The following JAZF1 variants were observed in gnomAD, a reference collection of about 807,000 sequenced individuals.
JAZF1 encodes the protein juxtaposed with another zinc finger protein 1.
Under a neutral mutation model 26.4 loss-of-function variants are expected in JAZF1, and 8 were observed. The observed-to-expected ratio is 0.30, with a 90% CI of 0.18 to 0.55. The LOEUF (loss-of-function observed/expected upper bound fraction) is 0.55, where lower values mean the gene tolerates loss of function less well. JAZF1 is among the 20% of genes least tolerant of loss of function. JAZF1 has a pLI of 0.94. For synonymous variants in JAZF1, 126 were observed against 122.3 expected (o/e 1.03, Z -0.20); for missense variants, 199 against 322.0 (o/e 0.62, Z 2.92).
intron 1 of JAZF1, among the ~76,000 whole-genome samples, chr7:28,096,965 A>G (rs1017715771): frequency 1.3e-5 from 2 of 152,254 alleles, no homozygotes; most frequent in African/African-American, 4.8e-5. Context: ...CTTAAATGCC[A>G]TCTGCACCAC....
chr7:27,851,845 G>A (rs780954756), intron 3 of JAZF1, among the ~76,000 whole-genome samples: 1 of 152,070 alleles, frequency 6.6e-6, no homozygotes, highest in Non-Finnish European at 1.5e-5. Flanking sequence ...CAAGAATCTG[G>A]TGAGACCTAA....
intron 1 of JAZF1, among the ~76,000 whole-genome samples, chr7:28,132,620 G>T (rs1223748548): frequency 4.6e-5 from 7 of 152,116 alleles, no homozygotes; most frequent in Non-Finnish European, 4.4e-5. Context: ...GATCTTCTGT[G>T]TAATGATGAC....
At chr7:28,176,461 C>T (rs370186948) in intron 1 of JAZF1, among the ~76,000 whole-genome samples, 1 of 152,196 alleles carries the variant, frequency 6.6e-6, no homozygotes, top group Non-Finnish European at 1.5e-5. Context: ...CAAGGCCCAC[C>T]CTGACCAATC....
At chr7:27,986,882 C>G (rs1000205295) in intron 2 of JAZF1, among the ~76,000 whole-genome samples, 3 of 152,154 alleles carry the variant, frequency 2.0e-5, no homozygotes, top group Non-Finnish European at 4.4e-5. Context: ...GTCTCCAGCT[C>G]CTGACTGTGA....
At chr7:28,125,718 G>T (rs1782682079) in intron 1 of JAZF1, among the ~76,000 whole-genome samples, 1 of 152,186 alleles carries the variant, frequency 6.6e-6, no homozygotes, top group Non-Finnish European at 1.5e-5. Context: ...TGCCCATCTT[G>T]TCTGGCATTT....
At chr7:27,881,177 TC>T (rs1783764233) in intron 3 of JAZF1, among the ~76,000 whole-genome samples, 1 of 152,148 alleles carries the variant, frequency 6.6e-6, no homozygotes. Flanking sequence ...CCTATTCATC[TC>T]CCGGGGAGGG....
intron 2 of JAZF1, among the ~76,000 whole-genome samples, chr7:27,941,103 A>G (rs1221831754): frequency 6.6e-6 from 1 of 152,208 alleles, no homozygotes; most frequent in Non-Finnish European, 1.5e-5. Context: ...CGCCTTCAAG[A>G]TGCACAATTT....
At chr7:27,856,549 T>C (rs1296380891) in intron 3 of JAZF1, among the ~76,000 whole-genome samples, 1 of 152,208 alleles carries the variant, frequency 6.6e-6, no homozygotes, top group Non-Finnish European at 1.5e-5. Flanking sequence ...AGAGAGCTGA[T>C]TGGTCTGTTT....
rs1310001457 is a variant in JAZF1, at chr7:27,849,816, A to G, written c.386-8949T>C. ...GGCCGCCCACCTACACGGAGCCCAC[A>G]TCGCCATCCAGGGGCCCCGCCGGGT... On this transcript the variant is annotated intron_variant, in intron 3 of 4. Coordinates refer to ENST00000283928, the MANE Select transcript of JAZF1 (RefSeq NM_175061.4). Among the ~76,000 whole-genome samples, 128 of 117,850 alleles carry G rather than the reference A, an allele frequency of 1.1e-3. 1 individual carries two copies. The highest frequency in any genetic ancestry group is 1.4e-4 in the Non-Finnish European group (8 of 56,950). The allele number at this position is 117,850 out of a possible 152,430, so 77.3% of individuals were successfully genotyped here.
At chr7:28,121,072 T>A (rs545122203) in intron 1 of JAZF1, among the ~76,000 whole-genome samples, 2 of 151,022 alleles carry the variant, frequency 1.3e-5, no homozygotes, top group Non-Finnish European at 2.9e-5. Context: ...TGGTGGCACA[T>A]GCCTGTAATC....
At chr7:27,881,804 G>C (rs1783776877) in intron 3 of JAZF1, among the ~76,000 whole-genome samples, 1 of 152,134 alleles carries the variant, frequency 6.6e-6, no homozygotes, top group Non-Finnish European at 1.5e-5. Flanking sequence ...CTGAATTTAA[G>C]ACTCTAGGCA....
chr7:28,121,141 A>C (rs1583571832), intron 1 of JAZF1, among the ~76,000 whole-genome samples: 1 of 149,180 alleles, frequency 6.7e-6, no homozygotes, highest in Non-Finnish European at 1.5e-5. Flanking sequence ...CAGAAATTGC[A>C]GTGAGCCGAG....
At chr7:27,904,940 C>T (rs1784225858) in intron 2 of JAZF1, among the ~76,000 whole-genome samples, 1 of 152,020 alleles carries the variant, frequency 6.6e-6, no homozygotes, top group Admixed American at 6.6e-5. Flanking sequence ...TTTTCTCTCT[C>T]CTTTTCTTTT....
chr7:27,907,611 A>G (rs1313927707), intron 2 of JAZF1, among the ~76,000 whole-genome samples: 1 of 152,190 alleles, frequency 6.6e-6, no homozygotes, highest in African/African-American at 2.4e-5. Context: ...CATCCAGCTA[A>G]GAACAAGGGA....
At chr7:28,015,265 C>T (rs1464009657) in intron 1 of JAZF1, among the ~76,000 whole-genome samples, 1 of 151,994 alleles carries the variant, frequency 6.6e-6, no homozygotes, top group Non-Finnish European at 1.5e-5. Flanking sequence ...ACTGAGACAA[C>T]CAAGATAAGC....
chr7:27,938,107 CA>C (rs2128351582), intron 2 of JAZF1, among the ~76,000 whole-genome samples: 1 of 152,314 alleles, frequency 6.6e-6, no homozygotes, highest in African/African-American at 2.4e-5. Flanking sequence ...TTTTCTATCA[CA>C]AACACTTTCA....
At chr7:27,844,885 A>T (rs1782989522) in intron 3 of JAZF1, among the ~76,000 whole-genome samples, 1 of 152,166 alleles carries the variant, frequency 6.6e-6, no homozygotes, top group Non-Finnish European at 1.5e-5. Flanking sequence ...GGATGAATAC[A>T]TTCATTTATT....
At position 27,895,334 on chromosome 7, in the gene JAZF1, A is replaced by G. The variant is rs758255818; in HGVS notation, c.271T>C (p.Ser91Pro). ...GTGGACACATTCCCTCGAGACACTG[A>G]GCTGGACAGAGTCAGCGAGAGCTTC... ...QPKLSLTLSS[S>P]VSRGNVSTPP... is the part of the protein sequence containing the mutation. The change falls in exon 3 of 5, where the codon TCA (serine) becomes CCA (proline). Residue 91 changes from serine to proline, a missense_variant. Transcript: ENST00000283928. 5.6e-6 allele frequency: 9 copies of G among 1,610,936 alleles called. No homozygotes were observed. Among genetic ancestry groups the G allele is most frequent in the Middle Eastern group, 1.7e-4 (1 of 6,058 alleles).
At chr7:27,919,618 C>A (rs956613080) in intron 2 of JAZF1, among the ~76,000 whole-genome samples, 1 of 152,056 alleles carries the variant, frequency 6.6e-6, no homozygotes, top group African/African-American at 2.4e-5. Flanking sequence ...ATAATCAATA[C>A]AATAGTGCCA....
Sources: allele counts gnomAD v4.1 joint callset (sites outside exome capture counted in the v4.1 genomes callset), GRCh38; gene constraint gnomAD v4.1.1; transcripts MANE v1.5; gene names NCBI Gene and HGNC (gene_info 2026-07-23, HGNC 2026-07-21).